Variants in SCEL observed in about 807,000 individuals in gnomAD.
The protein encoded by SCEL is sciellin.
SCEL carries 113 observed loss-of-function variants against 117.6 expected under a neutral mutation model. That is an observed-to-expected ratio of 0.96 (90% CI 0.83 to 1.12). SCEL has a LOEUF of 1.12. Ranked by LOEUF, SCEL falls within the 50% of genes most tolerant of loss-of-function variation. The pLI is 0.00. For synonymous variants in SCEL, 270 were observed against 256.2 expected (o/e 1.05, Z -0.51); for missense variants, 785 against 810.8 (o/e 0.97, Z 0.39).
Position 77,575,337 on chromosome 13 carries a change from C to T in SCEL, c.545+3148C>T, listed in dbSNP as rs2085879365. Among the ~76,000 whole-genome samples the T allele has an allele frequency of 2.6e-5, 4 of 152,090 alleles. No homozygotes were observed. The South Asian group carries it at 8.3e-4, about 32-fold the overall frequency. ...TATGCCTATGACTATGTTAGTCTAT[C>T]TTTATAATTAATATATCTATTCCTA... On this transcript the variant is annotated intron_variant, in intron 9 of 32. Coordinates refer to ENST00000349847, the MANE Select transcript of SCEL (RefSeq NM_144777.3).
intron 11 of SCEL, 35 bp from the exon 12 acceptor site, chr13:77,593,479 A>G (rs759449204): frequency 2.3e-5 from 35 of 1,538,368 alleles, no homozygotes; most frequent in South Asian, 8.0e-5. Context: ...TAGCTCGACT[A>G]TCATTGACCT....
In SCEL at chr13:77,567,748, G is replaced by T; in HGVS notation, c.359G>T (p.Arg120Met). 1 of 1,585,290 alleles carries T rather than the reference G, an allele frequency of 6.3e-7. No individual in the cohort carries two copies. Among genetic ancestry groups the T allele is most frequent in the Non-Finnish European group, 8.6e-7 (1 of 1,159,266 alleles). The change falls in exon 6 of 33, where the codon AGG (arginine) becomes ATG (methionine). Residue 120 changes from arginine (R) to methionine (M), a missense_variant and splice_region_variant. Physicochemically the swap from Arg to Met is moderately conservative, Grantham distance 91 (BLOSUM62 -1). Transcript: ENST00000349847. ...ACCTTGGATAACCAACTAACCAATA[G>T]GTACCAGTATCTACTAACTATGGGA... ...ANTLDNQLTN[R>M]SMSMFRSLEV...
At chr13:77,547,252 A>G (rs2084042429) in intron 1 of SCEL, among the ~76,000 whole-genome samples, 1 of 152,206 alleles carries the variant, frequency 6.6e-6, no homozygotes, top group East Asian at 1.9e-4. Flanking sequence ...TTTGTAATTT[A>G]AAAGAGAGAG....
chr13:77,542,037 A>G (rs903083121), intron 1 of SCEL, among the ~76,000 whole-genome samples: 12 of 152,318 alleles, frequency 7.9e-5, no homozygotes, highest in African/African-American at 2.4e-4. Context: ...ATATTAGACC[A>G]GTGTTTTTTG....
intron 9 of SCEL, among the ~76,000 whole-genome samples, chr13:77,585,489 A>G (rs9565356): frequency 0.66 from 100,036 of 151,868 alleles, 33,328 homozygotes; most frequent in South Asian, 0.73. Flanking sequence ...CACTACAGCA[A>G]AAGACACTAT....
intron 27 of SCEL, among the ~76,000 whole-genome samples, chr13:77,624,931 A>G (rs1324456905): frequency 6.6e-6 from 1 of 152,224 alleles, no homozygotes; most frequent in East Asian, 1.9e-4. Context: ...AATTAATTCC[A>G]CAAATATTTA....
chr13:77,632,139 C>G (rs2090052359), intron 28 of SCEL, among the ~76,000 whole-genome samples: 1 of 152,220 alleles, frequency 6.6e-6, no homozygotes, highest in Admixed American at 6.5e-5. Context: ...ACCCTGTCTC[C>G]TAATATAGTC....
intron 27 of SCEL, among the ~76,000 whole-genome samples, chr13:77,620,651 T>C (rs1342183364): frequency 6.6e-6 from 1 of 152,208 alleles, no homozygotes; most frequent in African/African-American, 2.4e-5. Flanking sequence ...TCAACCAGTG[T>C]CAAAGAGAGA....
intron 11 of SCEL, 69 bp from the exon 12 acceptor site, chr13:77,593,445 G>T: frequency 1.7e-6 from 2 of 1,179,136 alleles, no homozygotes; most frequent in South Asian, 2.6e-5. Flanking sequence ...GAAAACAAAT[G>T]AGAAATTTTA....
In SCEL at chr13:77,544,348, C is replaced by T. The variant is rs149938151; in HGVS notation, c.-20+8524C>T. Among the ~76,000 whole-genome samples, 966 of 152,212 alleles carry T rather than the reference C, an allele frequency of 6.3e-3. 6 individuals carry two copies. The highest frequency in any genetic ancestry group is 0.022 in the African/African-American group (912 of 41,534). On this transcript the variant is annotated intron_variant, in intron 1 of 32. Transcript: ENST00000349847. ...TAGTTTCTTTGTTCACACAATCTTT[C>T]TTAAGAGAAAGTTAGCAGGGAGTGG... is the stretch of plus-strand genomic sequence containing the variant.
At chr13:77,571,283 G>A (rs931413117) in intron 8 of SCEL, among the ~76,000 whole-genome samples, 3 of 149,400 alleles carry the variant, frequency 2.0e-5, no homozygotes, top group African/African-American at 7.4e-5. Context: ...CCAGCAACTC[G>A]GAGGCTGAGG....
intron 29 of SCEL, among the ~76,000 whole-genome samples, 179 bp downstream of exon 29, chr13:77,634,629 C>T (rs1456511456): frequency 6.6e-6 from 1 of 151,950 alleles, no homozygotes; most frequent in Non-Finnish European, 1.5e-5. Context: ...TGTACTTGGG[C>T]TATAAATAAT....
At position 77,591,419 on chromosome 13, in the gene SCEL, T is replaced by A; in HGVS notation, c.651T>A (p.Gly217=). The A allele has an allele frequency of 1.3e-6, 2 of 1,588,942 alleles. No homozygotes were observed. The highest frequency in any genetic ancestry group is 1.7e-6 in the Non-Finnish European group (2 of 1,158,438). The stretch of plus-strand genomic sequence containing the variant: ...GGCAGATACATCCACCTAAACCAGG[T>A]GTATATACAGAAACCAACAGATCTG... ...DNRQIHPPKP[G]VYTETNRSAE... The change falls in exon 11 of 33, where the codon GGT becomes GGA. Residue 217 remains glycine, a synonymous_variant. Coordinates refer to ENST00000349847, the MANE Select transcript of SCEL (RefSeq NM_144777.3).
At chr13:77,594,374 C>T (rs2087100381) in intron 12 of SCEL, among the ~76,000 whole-genome samples, 2 of 152,206 alleles carry the variant, frequency 1.3e-5, no homozygotes, top group Non-Finnish European at 2.9e-5. Flanking sequence ...ACCATTTTCT[C>T]TCTGTAGTTT....
intron 11 of SCEL, 148 bp downstream of exon 11, chr13:77,591,608 G>T: frequency 1.7e-6 from 1 of 584,866 alleles, no homozygotes; most frequent in Non-Finnish European, 3.0e-6. Flanking sequence ...TGTTTTTGTA[G>T]GCACTTTCAG....
rs1399854552 is a variant in SCEL, at chr13:77,573,663, ATCTATCTATCTATCTATCTG to A, written c.545+1487_545+1506del. 5.1e-4 allele frequency among the ~76,000 whole-genome samples: 78 copies of A among 152,052 alleles called. 1 individual carries two copies. Among genetic ancestry groups the A allele is most frequent in the African/African-American group, 1.8e-3 (74 of 41,500 alleles). ...CATCTATCTATCTATCTATCTATCT[ATCTATCTATCTATCTATCTG>A]TCTATCTATCTAATCTATCTCTGTC... On this transcript the variant is annotated intron_variant, in intron 9 of 32. Coordinates refer to ENST00000349847, the MANE Select transcript of SCEL (RefSeq NM_144777.3).
chr13:77,628,096 AAATAT>A (rs912358387), intron 28 of SCEL, 87 bp downstream of exon 28: 77 of 263,378 alleles, frequency 2.9e-4, no homozygotes, highest in African/African-American at 1.6e-3. Context: ...TATATATATA[AAATAT>A]AATATTATAT....
intron 14 of SCEL, 70 bp downstream of exon 14, chr13:77,599,458 G>C (rs1321173988): frequency 7.7e-7 from 1 of 1,293,360 alleles, no homozygotes; most frequent in Non-Finnish European, 1.1e-6. Context: ...TCAGACATTA[G>C]CTGCAAGGGG....
chr13:77,556,532 T>C (rs1567344884), intron 2 of SCEL, 64 bp from the exon 3 acceptor site: 2 of 1,389,334 alleles, frequency 1.4e-6, no homozygotes, highest in East Asian at 2.3e-5. Context: ...GATTTTCAGG[T>C]TAACAAGCCC....
Sources: gnomAD v4.1 joint callset for allele counts (sites outside exome capture counted in the v4.1 genomes callset) on GRCh38, gnomAD v4.1.1 for gene constraint, MANE v1.5 for transcripts, NCBI Gene and HGNC (gene_info 2026-07-23, HGNC 2026-07-21) for gene names.